PIWIL2: variants seen among roughly 807,000 people sequenced by gnomAD.
PIWIL2 encodes piwi-like protein 2.
PIWIL2 carries 81 observed loss-of-function variants against 116.5 expected under a neutral mutation model. The ratio of observed to expected loss-of-function variants is 0.70; its 90% CI spans 0.58 to 0.84. The LOEUF is 0.84. Ranked by LOEUF, PIWIL2 falls within the 40% of genes least tolerant of loss-of-function variation. PIWIL2 has a pLI of 0.00. For synonymous variants in PIWIL2, 489 were observed against 429.5 expected (o/e 1.14, Z -1.71); for missense variants, 1,272 against 1,212.3 (o/e 1.05, Z -0.73).
chr8:22,353,006 G>A lies in PIWIL2; in HGVS notation c.2451G>A (p.Val817=), dbSNP rs770497197. The change falls in exon 21 of 23, where the codon GTG becomes GTA. Residue 817 remains valine, a synonymous_variant. Coordinates refer to ENST00000356766, the MANE Select transcript of PIWIL2 (RefSeq NM_018068.5). ...PEKIVVYRDG[V]SDGQLKTVAN... The stretch of plus-strand genomic sequence containing the variant: ...AGATTGTGGTGTACCGTGATGGAGT[G>A]TCTGATGGCCAACTGAAGACAGTTG... The A allele has an allele frequency of 3.1e-6, 5 of 1,613,946 alleles. No individual in the cohort carries two copies. In the South Asian group the frequency reaches 4.4e-5, roughly 14 times the overall value.
chr8:22,300,539 C>T (rs567066414), intron 10 of PIWIL2, among the ~76,000 whole-genome samples: 5 of 152,228 alleles, frequency 3.3e-5, no homozygotes, highest in East Asian at 3.9e-4. Flanking sequence ...AGCGGAATGG[C>T]GAGTCATATG....
At chr8:22,349,051 C>CTTT (rs35385064) in intron 20 of PIWIL2, among the ~76,000 whole-genome samples, 19 of 136,808 alleles carry the variant, frequency 1.4e-4, no homozygotes, top group South Asian at 2.3e-4. Context: ...TTTCTTTTTT[C>CTTT]TTTTTTTTTT....
chr8:22,303,654 G>A (rs753001338), intron 10 of PIWIL2, among the ~76,000 whole-genome samples: 5 of 152,070 alleles, frequency 3.3e-5, no homozygotes, highest in African/African-American at 7.2e-5. Context: ...TTAGCCTCTC[G>A]AATAGCTGGG....
chr8:22,304,822 C>T lies in PIWIL2; in HGVS notation c.1409C>T (p.Pro470Leu). ...ATCACAGTTAAGGAAGAGGACCAGCCATTGCTGATTCACAGGCCCAGTGAG... is the reference window on the plus strand; with the variant it reads ...ATCACAGTTAAGGAAGAGGACCAGCTATTGCTGATTCACAGGCCCAGTGAG... ...YGITVKEEDQ[P>L]LLIHRPSERQ... The change falls in exon 12 of 23, where the codon CCA becomes CTA. Residue 470 changes from proline to leucine, a missense_variant. Coordinates refer to ENST00000356766, the MANE Select transcript of PIWIL2 (RefSeq NM_018068.5). 2 of 1,613,520 alleles carry T rather than the reference C, an allele frequency of 1.2e-6. No homozygotes were observed. The highest frequency in any genetic ancestry group is 8.5e-7 in the Non-Finnish European group (1 of 1,179,482).
At chr8:22,284,076 T>A (rs1830576564) in intron 5 of PIWIL2, 86 bp from the exon 6 acceptor site, 1 of 651,704 alleles carries the variant, frequency 1.5e-6, no homozygotes, top group Admixed American at 3.0e-5. Flanking sequence ...TCCCCCAATC[T>A]TCTTGTTGTT....
chr8:22,322,426 T>C (rs989414379), intron 20 of PIWIL2, among the ~76,000 whole-genome samples: 1 of 151,988 alleles, frequency 6.6e-6, no homozygotes, highest in Non-Finnish European at 1.5e-5. Context: ...AATTTTTGTA[T>C]TTTTTGTAGA....
intron 20 of PIWIL2, among the ~76,000 whole-genome samples, chr8:22,348,508 A>G (rs1052285517): frequency 6.6e-6 from 1 of 152,170 alleles, no homozygotes. Context: ...GAGAACATTC[A>G]TTACTTACTG....
At chr8:22,287,222 G>A (rs1028055337) in intron 6 of PIWIL2, among the ~76,000 whole-genome samples, 1 of 152,200 alleles carries the variant, frequency 6.6e-6, no homozygotes, top group Non-Finnish European at 1.5e-5. Context: ...ACTCCAGCCT[G>A]GGCGGCAGAG....
chr8:22,283,248 A>G lies in PIWIL2; in HGVS notation c.632+8A>G. On this transcript the variant is annotated splice_region_variant and intron_variant, in intron 5 of 22. Transcript: ENST00000356766. The stretch of plus-strand genomic sequence containing the variant: ...TGTGGAACACAAGGAAAAGTAAGTC[A>G]GGAGCACTGCCTTCTCTACTTAGTA... 2 of 1,599,924 alleles carry G rather than the reference A, an allele frequency of 1.3e-6. No homozygotes were observed. Among genetic ancestry groups the G allele is most frequent in the East Asian group, 2.2e-5 (1 of 44,822 alleles).
chr8:22,280,572 G>T (rs991240370), intron 2 of PIWIL2, among the ~76,000 whole-genome samples: 9 of 152,252 alleles, frequency 5.9e-5, no homozygotes, highest in Non-Finnish European at 1.2e-4. Context: ...CAAATGAATT[G>T]CTTGAGTCTA....
At chr8:22,342,300 T>A (rs2132097449) in intron 20 of PIWIL2, among the ~76,000 whole-genome samples, 1 of 152,330 alleles carries the variant, frequency 6.6e-6, no homozygotes, top group Non-Finnish European at 1.5e-5. Context: ...TTTGTGGATA[T>A]CAACAAACTT....
chr8:22,354,144 TG>T, intron 21 of PIWIL2, 126 bp from the exon 22 acceptor site: 1 of 652,138 alleles, frequency 1.5e-6, no homozygotes, highest in Non-Finnish European at 2.8e-6. Flanking sequence ...CTGGCCTCTG[TG>T]TCCTTGATCC....
At chr8:22,293,110 G>C (rs905725073) in intron 10 of PIWIL2, among the ~76,000 whole-genome samples, 4 of 151,820 alleles carry the variant, frequency 2.6e-5, no homozygotes, top group African/African-American at 9.7e-5. Flanking sequence ...TATTTTTCTT[G>C]CATGTACTTT....
At chr8:22,324,908 G>A (rs529568212) in intron 20 of PIWIL2, among the ~76,000 whole-genome samples, 1 of 152,246 alleles carries the variant, frequency 6.6e-6, no homozygotes, top group Admixed American at 6.5e-5. Context: ...TAGGAGAGAG[G>A]CATGAACAGA....
chr8:22,284,287 C>T lies in PIWIL2; in HGVS notation c.743+15C>T. ...GTGACTTTCAGGTATTCACAGCTTT[C>T]CTTTGTATTGTTCACTTCTTAAAGG... On this transcript the variant is annotated intron_variant, in intron 6 of 22. Coordinates refer to ENST00000356766, the MANE Select transcript of PIWIL2 (RefSeq NM_018068.5). 1 of 1,335,802 alleles carries T rather than the reference C, an allele frequency of 7.5e-7. No individual in the cohort carries two copies. Among genetic ancestry groups the T allele is most frequent in the Non-Finnish European group, 1.1e-6 (1 of 944,958 alleles). The allele number at this position is 1,335,802 out of a possible 1,614,324, so 82.7% of individuals were successfully genotyped here.
intron 20 of PIWIL2, chr8:22,322,034 T>C (rs1831611703): frequency 1.4e-5 from 13 of 918,598 alleles, no homozygotes; most frequent in Non-Finnish European, 1.7e-5. Context: ...TTTTTTTTTG[T>C]AAATAAACTT....
At chr8:22,346,748 A>G (rs962295092) in intron 20 of PIWIL2, among the ~76,000 whole-genome samples, 4 of 152,192 alleles carry the variant, frequency 2.6e-5, no homozygotes, top group Non-Finnish European at 1.5e-5. Flanking sequence ...TTATTAATTT[A>G]CTTAGAAATA....
intron 10 of PIWIL2, among the ~76,000 whole-genome samples, chr8:22,300,715 A>T (rs1165245978): frequency 6.6e-6 from 1 of 152,138 alleles, no homozygotes; most frequent in Non-Finnish European, 1.5e-5. Flanking sequence ...GTGGTATCGA[A>T]TTGTGGTTTT....
At chr8:22,301,279 C>A (rs1371381915) in intron 10 of PIWIL2, among the ~76,000 whole-genome samples, 4 of 151,964 alleles carry the variant, frequency 2.6e-5, no homozygotes, top group Non-Finnish European at 5.9e-5. Flanking sequence ...CCAGTGGTCC[C>A]TTTTATTTGT....
Sources: gnomAD v4.1 joint callset for allele counts (sites outside exome capture counted in the v4.1 genomes callset) on GRCh38, gnomAD v4.1.1 for gene constraint, MANE v1.5 for transcripts, NCBI Gene and HGNC (gene_info 2026-07-23, HGNC 2026-07-21) for gene names.